The following USH2A variants were observed in gnomAD, a reference collection of about 807,000 sequenced individuals.
USH2A encodes the protein usherin, also known as Usher syndrome 2A (autosomal recessive, mild).
In USH2A, 443 loss-of-function variants were observed where a neutral mutation model predicts 538.9. The observed-to-expected ratio is 0.82, with a 90% CI of 0.76 to 0.89. The LOEUF (loss-of-function observed/expected upper bound fraction) is 0.89. Among genes scored for constraint, USH2A ranks in the 40% least tolerant of loss-of-function variants. The pLI, the probability that USH2A is intolerant of heterozygous loss-of-function variation, is 0.00. For missense variants in USH2A, 6,633 were observed against 6,324.8 expected (o/e 1.05, Z -1.65); for synonymous variants, 2,413 against 2,273.5 (o/e 1.06, Z -1.75).
At chr1:215,885,069 A>T (rs970544565) in intron 41 of USH2A, among the ~76,000 whole-genome samples, 1 of 151,888 alleles carries the variant, frequency 6.6e-6, no homozygotes, top group African/African-American at 2.4e-5. Flanking sequence ...TTATTTATAC[A>T]TGTTATTTCT....
intron 11 of USH2A, among the ~76,000 whole-genome samples, chr1:216,253,276 T>A (rs2036199705): frequency 6.6e-6 from 1 of 151,992 alleles, no homozygotes; most frequent in African/African-American, 2.4e-5. Context: ...CCTCCCAGGT[T>A]CAAGTGACTC....
At chr1:216,239,588 T>C (rs893688270) in intron 13 of USH2A, among the ~76,000 whole-genome samples, 40 of 152,126 alleles carry the variant, frequency 2.6e-4, no homozygotes, top group Admixed American at 1.0e-3. Flanking sequence ...TGAGGATTAT[T>C]AAAGAATATC....
At chr1:216,355,454 G>T (rs1414496909) in intron 4 of USH2A, among the ~76,000 whole-genome samples, 5 of 152,146 alleles carry the variant, frequency 3.3e-5, no homozygotes, top group Non-Finnish European at 7.3e-5. Context: ...ATGAAGGCAA[G>T]AAGACAAGGA....
rs576483755 is a variant in USH2A, at chr1:216,336,435, C to T, written c.785-8781G>A. Among the ~76,000 whole-genome samples the T allele has an allele frequency of 1.1e-3, 162 of 151,182 alleles. 1 individual carries two copies. Among genetic ancestry groups the T allele is most frequent in the Admixed American group, 2.5e-3 (38 of 15,128 alleles). ...AGGCAAGCAGAAGAAATAAATCTTT[C>T]CATATTGAAAAAGTAGAAGTAAAAC... On this transcript the variant is annotated intron_variant, in intron 4 of 71. Transcript: ENST00000307340.
In USH2A at chr1:215,877,443, T is replaced by C. The variant is rs11120686; in HGVS notation, c.8681+315A>G. ...GTGCCCAGGAATTTTCCCCATTTTG[T>C]ATGTGTTCAATATTTCCAAATTCTT... On this transcript the variant is annotated intron_variant, in intron 43 of 71. Coordinates refer to ENST00000307340, the MANE Select transcript of USH2A (RefSeq NM_206933.4). Among the ~76,000 whole-genome samples the C allele has an allele frequency of 0.41, 61,904 of 151,970 alleles. 12,786 individuals carry two copies. Among genetic ancestry groups the C allele is most frequent in the Admixed American group, 0.54 (8,164 of 15,246 alleles).
At chr1:216,115,313 T>C (rs2032980224) in intron 21 of USH2A, among the ~76,000 whole-genome samples, 1 of 152,146 alleles carries the variant, frequency 6.6e-6, no homozygotes, top group African/African-American at 2.4e-5. Context: ...AGCTAATTTT[T>C]AAAAGACTTT....
chr1:216,250,816 C>T (rs1434571230), intron 12 of USH2A, 87 bp downstream of exon 12: 3 of 1,451,692 alleles, frequency 2.1e-6, no homozygotes, highest in African/African-American at 1.4e-5. Context: ...AAGAAATTTG[C>T]TTTACTCTTC....
intron 21 of USH2A, among the ~76,000 whole-genome samples, chr1:216,104,479 A>G (rs2032681705): frequency 6.6e-6 from 1 of 152,114 alleles, no homozygotes; most frequent in Non-Finnish European, 1.5e-5. Context: ...TTGGACATAG[A>G]CCAATGGAAC....
intron 4 of USH2A, among the ~76,000 whole-genome samples, chr1:216,332,890 T>C (rs975655184): frequency 2.0e-5 from 3 of 152,120 alleles, no homozygotes; most frequent in Non-Finnish European, 4.4e-5. Flanking sequence ...TGCTACACTA[T>C]GTGTTTAAAA....
At chr1:216,223,911 A>G (rs972329919) in intron 14 of USH2A, among the ~76,000 whole-genome samples, 1 of 152,208 alleles carries the variant, frequency 6.6e-6, no homozygotes, top group African/African-American at 2.4e-5. Flanking sequence ...CTAGTGCTGA[A>G]ATGTAGAACA....
intron 19 of USH2A, chr1:216,193,925 C>G (rs2102455188): frequency 6.6e-6 from 1 of 152,236 alleles, no homozygotes; most frequent in Non-Finnish European, 1.5e-5. Flanking sequence ...TTGAGATAAG[C>G]TAAGAGGGTC....
intron 14 of USH2A, among the ~76,000 whole-genome samples, chr1:216,227,021 C>T (rs1322374036): frequency 2.0e-5 from 3 of 152,172 alleles, no homozygotes; most frequent in Non-Finnish European, 4.4e-5. Context: ...CAAATAAGAC[C>T]TTCTCACTGG....
rs2034908088 is a variant in USH2A, at chr1:216,198,555, T to A, written c.3841A>T (p.Arg1281Ter). 2 of 1,613,512 alleles carry A rather than the reference T, an allele frequency of 1.2e-6. No individual in the cohort carries two copies. Among genetic ancestry groups the A allele is most frequent in the Non-Finnish European group, 1.7e-6 (2 of 1,179,828 alleles). The change falls in exon 18 of 72, where the codon AGA (arginine) becomes TGA (stop). Residue 1281 changes from arginine (R) to a stop codon, truncating the protein, a stop_gained. Coordinates refer to ENST00000307340, the MANE Select transcript of USH2A (RefSeq NM_206933.4). LOFTEE classifies it high-confidence loss of function. Reference sequence around the variant, plus strand: ...GTTTCTTTAGTAGATCTCAGTCTTCTCATGTATAGTTCATATCTTATAATT... The same window carrying A: ...GTTTCTTTAGTAGATCTCAGTCTTCACATGTATAGTTCATATCTTATAATT... Reference protein sequence around the residue: ...GIIIRYELYMRRLRSTKETTS... With the variant: ...GIIIRYELYM
chr1:216,389,129 G>C (rs777735425), intron 3 of USH2A, among the ~76,000 whole-genome samples: 1 of 152,108 alleles, frequency 6.6e-6, no homozygotes, highest in African/African-American at 2.4e-5. Flanking sequence ...ATCATCGCAT[G>C]CTTCAGTATA....
At chr1:216,006,717 G>C (rs1668400593) in intron 32 of USH2A, among the ~76,000 whole-genome samples, 1 of 151,926 alleles carries the variant, frequency 6.6e-6, no homozygotes, top group Admixed American at 6.6e-5. Flanking sequence ...CAATTCTCTT[G>C]AGGAACCAAG....
chr1:216,325,845 C>T (rs1040132291), intron 5 of USH2A, among the ~76,000 whole-genome samples: 1 of 152,096 alleles, frequency 6.6e-6, no homozygotes. Context: ...AAGAAGCATG[C>T]ATAAGCCCTT....
chr1:216,232,064 T>C lies in USH2A; in HGVS notation c.2882A>G (p.His961Arg), dbSNP rs1263825299. The C allele has an allele frequency of 6.2e-7, 1 of 1,614,058 alleles. No homozygotes were observed. The highest frequency in any genetic ancestry group is 1.7e-5 in the Admixed American group (1 of 60,012). Residue 961 changes from histidine to arginine, a missense_variant, in exon 14 of 72, where the codon CAC becomes CGC. Transcript: ENST00000307340. ...CSCHTTGAVN[H>R]ICNSLTGQCV... ...CTGACCAGTCAGGCTATTACAGATG[T>C]GATTAACTGCACCAGTTGTATGGCA... is the stretch of plus-strand genomic sequence containing the variant.
intron 61 of USH2A, among the ~76,000 whole-genome samples, chr1:215,704,826 C>G (rs747983192): frequency 6.6e-6 from 1 of 152,168 alleles, no homozygotes; most frequent in Non-Finnish European, 1.5e-5. Context: ...ACTCCCCAGA[C>G]TGAGTTACTT....
At position 216,175,311 on chromosome 1, in the gene USH2A, A is replaced by G. The variant is rs774349095; in HGVS notation, c.4568T>C (p.Ile1523Thr). The change falls in exon 21 of 72, where the codon ATA becomes ACA. Residue 1523 changes from isoleucine to threonine, a missense_variant. Ile to Thr is a moderately conservative substitution (Grantham distance 89). Coordinates refer to ENST00000307340, the MANE Select transcript of USH2A (RefSeq NM_206933.4). ...MTTMMKGIRFIGNGYCKFPSS... is the reference protein window; with the variant it reads ...MTTMMKGIRFTGNGYCKFPSS... ...GGGAAATTTACAATACCCATTTCCTATGAAACGGATTCCTTTCATCATCGT... is the reference window on the plus strand; with the variant it reads ...GGGAAATTTACAATACCCATTTCCTGTGAAACGGATTCCTTTCATCATCGT... 1.6e-5 allele frequency: 26 copies of G among 1,613,810 alleles called. No homozygotes were observed. The South Asian group carries it at 2.0e-4, about 12-fold the overall frequency.
Sources: allele counts gnomAD v4.1 joint callset (sites outside exome capture counted in the v4.1 genomes callset), GRCh38; gene constraint gnomAD v4.1.1; transcripts MANE v1.5; gene names NCBI Gene and HGNC (gene_info 2026-07-23, HGNC 2026-07-21).